The following GRIP1 variants were observed in gnomAD, a reference collection of about 807,000 sequenced individuals.
GRIP1 encodes the protein glutamate receptor-interacting protein 1.
A neutral mutation model predicts 129.9 loss-of-function variants in GRIP1; 45 were observed. The ratio of observed to expected loss-of-function variants is 0.35; its 90% CI spans 0.27 to 0.44. The LOEUF is 0.44. Ranked by LOEUF, GRIP1 falls within the 20% of genes least tolerant of loss-of-function variation. The probability of loss-of-function intolerance (pLI) is 1.00; values close to 1 mark genes in which losing one functional copy is unlikely to be tolerated. For missense variants in GRIP1, 1,196 were observed against 1,396.8 expected, an observed-to-expected ratio of 0.86 and a Z score of 2.29; for synonymous variants, 530 against 520.8, an observed-to-expected ratio of 1.02 and a Z score of -0.24.
chr12:66,555,298 C>T (rs1036044296), intron 2 of GRIP1, among the ~76,000 whole-genome samples: 1 of 152,138 alleles, frequency 6.6e-6, no homozygotes, highest in Non-Finnish European at 1.5e-5. Flanking sequence ...TCCAAAACCA[C>T]CAAGATGATG....
chr12:66,920,069 A>G (rs1367526436), intron 1 of GRIP1, among the ~76,000 whole-genome samples: 1 of 152,216 alleles, frequency 6.6e-6, no homozygotes, highest in Non-Finnish European at 1.5e-5. Flanking sequence ...TGTAAAGAAT[A>G]GGTTGTTAAT....
intron 2 of GRIP1, among the ~76,000 whole-genome samples, chr12:66,566,854 G>A (rs2062779373): frequency 6.6e-6 from 1 of 152,286 alleles, no homozygotes; most frequent in African/African-American, 2.4e-5. Flanking sequence ...TCCTAGTTTA[G>A]TCTTGGGAGG....
chr12:66,515,916 T>C, intron 6 of GRIP1, 152 bp from the exon 7 acceptor site: 2 of 698,596 alleles, frequency 2.9e-6, no homozygotes, highest in African/African-American at 1.8e-5. Flanking sequence ...AGTAAGAGTA[T>C]AAAGAAGTAA....
At chr12:67,002,190 T>G (rs569066309) in intron 1 of GRIP1, among the ~76,000 whole-genome samples, 2 of 152,238 alleles carry the variant, frequency 1.3e-5, no homozygotes, top group East Asian at 3.8e-4. Context: ...CAATGATAGA[T>G]GCAACTAATT....
chr12:66,670,382 G>A (rs79439266), intron 1 of GRIP1, among the ~76,000 whole-genome samples: 1,980 of 152,260 alleles, frequency 0.013, 55 homozygotes, highest in African/African-American at 0.046. Flanking sequence ...TCCAGTCTAT[G>A]CTGATGTGGA....
At chr12:66,436,094 C>A (rs558531716) in intron 13 of GRIP1, among the ~76,000 whole-genome samples, 1 of 152,224 alleles carries the variant, frequency 6.6e-6, no homozygotes, top group East Asian at 1.9e-4. Flanking sequence ...TTGTTAGACT[C>A]GCATGTAATT....
chr12:66,878,940 G>T (rs147055615), intron 1 of GRIP1, among the ~76,000 whole-genome samples: 1 of 151,898 alleles, frequency 6.6e-6, no homozygotes, highest in Non-Finnish European at 1.5e-5. Context: ...GATGGTGAAC[G>T]ACTTACAGAA....
chr12:66,636,757 C>T (rs373350332), intron 1 of GRIP1, among the ~76,000 whole-genome samples: 2 of 126,742 alleles, frequency 1.6e-5, no homozygotes, highest in African/African-American at 6.3e-5. Context: ...GTGTGTGTCT[C>T]ACTCTCTCTC....
At chr12:66,558,614 A>T (rs1288053240) in intron 2 of GRIP1, among the ~76,000 whole-genome samples, 1 of 152,156 alleles carries the variant, frequency 6.6e-6, no homozygotes, top group Non-Finnish European at 1.5e-5. Context: ...AAATGTACCA[A>T]GATTGAGCCA....
At chr12:66,857,651 T>G (rs1019589402) in intron 1 of GRIP1, among the ~76,000 whole-genome samples, 8 of 151,970 alleles carry the variant, frequency 5.3e-5, no homozygotes, top group Admixed American at 5.3e-4. Flanking sequence ...TTTCCATCTA[T>G]GCTCTAGGCA....
chr12:66,826,880 T>C (rs531021683), intron 1 of GRIP1, among the ~76,000 whole-genome samples: 7 of 152,094 alleles, frequency 4.6e-5, no homozygotes, highest in Non-Finnish European at 1.0e-4. Flanking sequence ...ATATTCTGTA[T>C]GTATGTTTTT....
rs2055834775 is a variant in GRIP1, at chr12:66,377,305, G to A, written c.2622-20C>T. On this transcript the variant is annotated intron_variant, in intron 20 of 24. Transcript: ENST00000359742. ...GCAAAACTGTTGTCAAGAAACACAG[G>A]CTGGGTTAGGAACTTGCCAGACATT... is the stretch of plus-strand genomic sequence containing the variant. The A allele has an allele frequency of 6.7e-7, 1 of 1,485,644 alleles. No homozygotes were observed. The highest frequency in any genetic ancestry group is 9.4e-7 in the Non-Finnish European group (1 of 1,064,190). 92.0% of individuals were successfully genotyped at this position (1,485,644 alleles called of 1,614,324 possible).
chr12:66,620,991 ATTAAG>A (rs1178126205), intron 1 of GRIP1, among the ~76,000 whole-genome samples: 2 of 152,220 alleles, frequency 1.3e-5, no homozygotes, highest in African/African-American at 2.4e-5. Context: ...TAATGAATAA[ATTAAG>A]TTTTCAGAAA....
intron 1 of GRIP1, among the ~76,000 whole-genome samples, chr12:66,905,294 T>G (rs1250968811): frequency 6.6e-6 from 1 of 152,188 alleles, no homozygotes; most frequent in African/African-American, 2.4e-5. Flanking sequence ...TTGTAGGAAA[T>G]CTCTGCTCCA....
chr12:66,803,576 T>C (rs931971689), intron 1 of GRIP1, among the ~76,000 whole-genome samples: 2 of 152,248 alleles, frequency 1.3e-5, no homozygotes, highest in African/African-American at 4.8e-5. Flanking sequence ...AGAAAGGTAC[T>C]TGAACTTCCT....
chr12:66,610,103 C>T (rs10784558), intron 1 of GRIP1, among the ~76,000 whole-genome samples: 76,707 of 151,742 alleles, frequency 0.51, 20,862 homozygotes, highest in African/African-American at 0.7. Flanking sequence ...TTATGAAATA[C>T]AATATTGATA....
At chr12:67,015,705 C>T (rs2135727959) in intron 1 of GRIP1, among the ~76,000 whole-genome samples, 1 of 152,268 alleles carries the variant, frequency 6.6e-6, no homozygotes, top group Middle Eastern at 3.4e-3. Flanking sequence ...AACAATCCGG[C>T]TTAAGGGCTT....
intron 1 of GRIP1, among the ~76,000 whole-genome samples, chr12:66,884,882 T>C (rs1167721674): frequency 2.6e-5 from 4 of 152,180 alleles, no homozygotes; most frequent in African/African-American, 9.7e-5. Context: ...GAGGCATCCA[T>C]TTCTTAAATG....
In GRIP1 at chr12:66,723,027, T is replaced by C. The variant is rs971972572; in HGVS notation, c.-420+81026A>G. Among the ~76,000 whole-genome samples the C allele has an allele frequency of 9.2e-5, 14 of 151,712 alleles. No homozygotes were observed. In the East Asian group the frequency reaches 1.7e-3, roughly 19 times the overall value. Reference sequence around the variant, plus strand: ...AAAACTCTACATCAGTGGATCCATTTGTCCTCAGGCCTTTATTCACCCTAT... The same window carrying C: ...AAAACTCTACATCAGTGGATCCATTCGTCCTCAGGCCTTTATTCACCCTAT... On this transcript the variant is annotated intron_variant, in intron 1 of 4. Coordinates refer to the GRIP1 transcript ENST00000538373.
Sources: allele counts gnomAD v4.1 joint callset (sites outside exome capture counted in the v4.1 genomes callset), GRCh38; gene constraint gnomAD v4.1.1; transcripts MANE v1.5; gene names NCBI Gene and HGNC (gene_info 2026-07-23, HGNC 2026-07-21).